Variants in C2CD3 observed in about 807,000 individuals in gnomAD.
C2CD3 encodes the protein C2 domain-containing protein 3.
C2CD3 carries 148 observed loss-of-function variants against 234.0 expected under a neutral mutation model. That is an observed-to-expected ratio of 0.63 (90% CI 0.55 to 0.72). The LOEUF (loss-of-function observed/expected upper bound fraction) is 0.72, where lower values mean the gene tolerates loss of function less well. Among genes scored for constraint, C2CD3 ranks in the 30% least tolerant of loss-of-function variants. The pLI, the probability that C2CD3 is intolerant of heterozygous loss-of-function variation, is 0.00. For missense variants in C2CD3, 2,577 were observed against 2,811.5 expected, an observed-to-expected ratio of 0.92 and a Z score of 1.89; for synonymous variants, 1,000 against 1,035.4, an observed-to-expected ratio of 0.97 and a Z score of 0.66.
chr11:74,161,417 C>T lies in C2CD3; in HGVS notation c.465G>A (p.Lys155=). The change falls in exon 3 of 33, where the codon AAG becomes AAA. Residue 155 remains lysine, a synonymous_variant. Coordinates refer to ENST00000334126, the MANE Select transcript of C2CD3 (RefSeq NM_001286577.2). ...GFFTIVSSTS[K]KLGELQVSLA... ...TTTTTACCTGGAGTTCTCCAAGTTT[C>T]TTAGACGTTGATGAAACAATGGTAA... 2.5e-6 allele frequency: 4 copies of T among 1,582,810 alleles called. No homozygotes were observed. The South Asian group carries it at 4.7e-5, about 19-fold the overall frequency.
intron 3 of C2CD3, among the ~76,000 whole-genome samples, chr11:74,141,403 A>G (rs1430674177): frequency 6.6e-6 from 1 of 152,250 alleles, no homozygotes; most frequent in Non-Finnish European, 1.5e-5. Flanking sequence ...CATAAATGCC[A>G]GGAAGTGTTC....
At position 74,100,687 on chromosome 11, in the gene C2CD3, G is replaced by A; in HGVS notation, c.2581-11C>T. 3.8e-6 allele frequency: 6 copies of A among 1,590,988 alleles called. No homozygotes were observed. The highest frequency in any genetic ancestry group is 4.3e-6 in the Non-Finnish European group (5 of 1,172,876). Reference sequence around the variant, plus strand: ...AGAGACAGGAATCACCTAAGAGAGAGGAACAACCAAAACAAACAAAAAACT... The same window carrying A: ...AGAGACAGGAATCACCTAAGAGAGAAGAACAACCAAAACAAACAAAAAACT... On this transcript the variant is annotated splice_polypyrimidine_tract_variant and intron_variant, in intron 14 of 32. Coordinates refer to ENST00000334126, the MANE Select transcript of C2CD3 (RefSeq NM_001286577.2).
chr11:74,091,077 A>C, intron 19 of C2CD3, 141 bp from the exon 20 acceptor site: 2 of 762,048 alleles, frequency 2.6e-6, no homozygotes, highest in Non-Finnish European at 4.1e-6. Flanking sequence ...TGTCCTTGTC[A>C]TAATCACATT....
At chr11:74,100,735 T>G (rs1257795425) in intron 14 of C2CD3, 59 bp from the exon 15 acceptor site, 6 of 1,411,082 alleles carry the variant, frequency 4.3e-6, no homozygotes, top group Non-Finnish European at 3.9e-6. Flanking sequence ...AAATATTAAT[T>G]TATACTTTCA....
chr11:74,090,898 T>C lies in C2CD3; in HGVS notation c.3556A>G (p.Arg1186Gly), dbSNP rs951670942. ...GCAGCAAGAACTCCCTCTGCTGTTCTTGGACTACGCCTGTACCTTAGGCCC... is the reference window on the plus strand; with the variant it reads ...GCAGCAAGAACTCCCTCTGCTGTTCCTGGACTACGCCTGTACCTTAGGCCC... ...DVGLRYRRSP[R>G]TAEGVLAART... Residue 1186 changes from arginine to glycine, a missense_variant, in exon 20 of 33, where the codon AGA becomes GGA. Coordinates refer to ENST00000334126, the MANE Select transcript of C2CD3 (RefSeq NM_001286577.2). 3.7e-6 allele frequency: 6 copies of C among 1,614,032 alleles called. No homozygotes were observed. The African/African-American group carries it at 4.0e-5, about 11-fold the overall frequency.
intron 24 of C2CD3, among the ~76,000 whole-genome samples, chr11:74,071,807 T>C (rs1490385563): frequency 1.3e-5 from 2 of 152,198 alleles, no homozygotes; most frequent in Admixed American, 6.5e-5. Context: ...CCATAATTAA[T>C]GTACAAAGAC....
intron 26 of C2CD3, among the ~76,000 whole-genome samples, chr11:74,053,950 G>A (rs534685384): frequency 1.3e-5 from 2 of 151,476 alleles, no homozygotes; most frequent in South Asian, 2.1e-4. Context: ...TTAGAGCCTG[G>A]CAACATAGTG....
At chr11:74,144,566 C>T (rs1010266576) in intron 3 of C2CD3, among the ~76,000 whole-genome samples, 2 of 152,066 alleles carry the variant, frequency 1.3e-5, no homozygotes, top group South Asian at 4.1e-4. Flanking sequence ...AAGCACAGTA[C>T]CCGACAGGTT....
intron 23 of C2CD3, 82 bp from the exon 24 acceptor site, chr11:74,074,682 T>C: frequency 8.9e-7 from 1 of 1,128,636 alleles, no homozygotes; most frequent in Non-Finnish European, 1.3e-6. Flanking sequence ...GAGGGTGCTG[T>C]GGTCCTTTCT....
At chr11:74,101,442 A>T (rs1956312543) in intron 14 of C2CD3, among the ~76,000 whole-genome samples, 1 of 152,204 alleles carries the variant, frequency 6.6e-6, no homozygotes, top group African/African-American at 2.4e-5. Flanking sequence ...TGATGAGAGG[A>T]AGACACCAGA....
At chr11:74,027,569 A>C (rs926976407) in intron 32 of C2CD3, among the ~76,000 whole-genome samples, 2 of 152,206 alleles carry the variant, frequency 1.3e-5, no homozygotes, top group Non-Finnish European at 2.9e-5. Context: ...CCTGTTCTTT[A>C]TCACAGCACC....
At chr11:74,058,412 A>G (rs1036500899) in intron 24 of C2CD3, among the ~76,000 whole-genome samples, 6 of 152,146 alleles carry the variant, frequency 3.9e-5, no homozygotes, top group Admixed American at 3.9e-4. Context: ...AGCTATTTCT[A>G]TCCTATTGAT....
chr11:74,150,441 T>G (rs1057210043), intron 3 of C2CD3, among the ~76,000 whole-genome samples: 4 of 121,522 alleles, frequency 3.3e-5, no homozygotes, highest in Admixed American at 1.1e-4. Flanking sequence ...TGAGCTTAGA[T>G]CACACCACCG....
At chr11:74,107,455 A>C (rs1028985657) in intron 12 of C2CD3, among the ~76,000 whole-genome samples, 21 of 152,242 alleles carry the variant, frequency 1.4e-4, no homozygotes, top group African/African-American at 4.6e-4. Context: ...GGAATTATTA[A>C]GCTAATTATA....
chr11:74,076,162 C>CTTA (rs1411082609), intron 23 of C2CD3, among the ~76,000 whole-genome samples: 1 of 152,168 alleles, frequency 6.6e-6, no homozygotes, highest in Non-Finnish European at 1.5e-5. Flanking sequence ...TTTGAAGGGA[C>CTTA]TCTAGGCCTG....
chr11:74,154,424 A>G (rs1855875761), intron 3 of C2CD3, among the ~76,000 whole-genome samples: 1 of 152,320 alleles, frequency 6.6e-6, no homozygotes, highest in Non-Finnish European at 1.5e-5. Context: ...TTATTAAAAA[A>G]GAAAAGAAAG....
chr11:74,075,912 A>C (rs181017263), intron 23 of C2CD3, among the ~76,000 whole-genome samples: 7 of 152,326 alleles, frequency 4.6e-5, no homozygotes, highest in Admixed American at 2.0e-4. Context: ...GCACAAGAGG[A>C]TAAAAAGCTC....
At chr11:74,091,739 C>A (rs895123044) in intron 19 of C2CD3, among the ~76,000 whole-genome samples, 7 of 152,144 alleles carry the variant, frequency 4.6e-5, no homozygotes, top group African/African-American at 1.7e-4. Context: ...AATAACAATT[C>A]TCTGAGTGTA....
chr11:74,058,108 G>C (rs1372279008), intron 24 of C2CD3, among the ~76,000 whole-genome samples: 1 of 152,174 alleles, frequency 6.6e-6, no homozygotes, highest in Non-Finnish European at 1.5e-5. Flanking sequence ...ACTGTGTTGA[G>C]AGGCAAAAGA....
Sources: gnomAD v4.1 joint callset for allele counts (sites outside exome capture counted in the v4.1 genomes callset) on GRCh38, gnomAD v4.1.1 for gene constraint, MANE v1.5 for transcripts, NCBI Gene and HGNC (gene_info 2026-07-23, HGNC 2026-07-21) for gene names.